The following AGBL1 variants were observed in gnomAD, a reference collection of about 807,000 sequenced individuals.
AGBL1 encodes cytosolic carboxypeptidase 4.
A neutral mutation model predicts 118.9 loss-of-function variants in AGBL1; 130 were observed. That is an observed-to-expected ratio of 1.09 (90% CI 0.95 to 1.26). The LOEUF is 1.26. Among genes scored for constraint, AGBL1 ranks in the 50% most tolerant of loss-of-function variants. The pLI is 0.00. For missense variants in AGBL1, 1,584 were observed against 1,298.1 expected (o/e 1.22, Z -3.38); for synonymous variants, 555 against 478.9 (o/e 1.16, Z -2.08).
At chr15:86,609,948 G>A (rs56081518) in intron 21 of AGBL1, among the ~76,000 whole-genome samples, 60 of 152,220 alleles carry the variant, frequency 3.9e-4, no homozygotes, top group Non-Finnish European at 7.5e-4. Context: ...TTTTATGGAT[G>A]AGGCCATGCT....
chr15:86,681,874 T>C (rs2085964354), intron 22 of AGBL1, among the ~76,000 whole-genome samples: 1 of 152,186 alleles, frequency 6.6e-6, no homozygotes, highest in African/African-American at 2.4e-5. Context: ...AGATGGAAAG[T>C]GCCCTACTAA....
intron 9 of AGBL1, among the ~76,000 whole-genome samples, chr15:86,260,902 A>G (rs2078971445): frequency 6.6e-6 from 1 of 152,230 alleles, no homozygotes; most frequent in Non-Finnish European, 1.5e-5. Flanking sequence ...AATAAATGCC[A>G]TTTATAAGAA....
chr15:86,554,277 T>C, intron 20 of AGBL1, 84 bp from the exon 21 acceptor site: 1 of 1,202,912 alleles, frequency 8.3e-7, no homozygotes, highest in Non-Finnish European at 1.2e-6. Context: ...TATAGATGCT[T>C]AACAATGTTG....
At chr15:86,719,022 C>T (rs372304549) in intron 22 of AGBL1, among the ~76,000 whole-genome samples, 2 of 152,118 alleles carry the variant, frequency 1.3e-5, no homozygotes, top group Non-Finnish European at 2.9e-5. Flanking sequence ...CCTTTCCCCC[C>T]ATTCAGTAGT....
At chr15:86,151,284 A>G (rs2077106106) in intron 3 of AGBL1, among the ~76,000 whole-genome samples, 1 of 147,940 alleles carries the variant, frequency 6.8e-6, no homozygotes, top group East Asian at 2.1e-4. Context: ...CAAGTACCCT[A>G]AAACTTAAAG....
At chr15:86,870,788 T>C (rs2141503513) in intron 22 of AGBL1, among the ~76,000 whole-genome samples, 1 of 152,308 alleles carries the variant, frequency 6.6e-6, no homozygotes, top group African/African-American at 2.4e-5. Context: ...CTGTCTATAC[T>C]ATAGGGGATA....
At chr15:86,286,735 G>GTGTGTGTATATATATATATATATATA in intron 16 of AGBL1, among the ~76,000 whole-genome samples, 3 of 106,250 alleles carry the variant, frequency 2.8e-5, no homozygotes, top group South Asian at 2.7e-4. Flanking sequence ...GTTTGTGTGT[G>GTGTGTGTATATATATATATATATATA]TATATATATA....
intron 18 of AGBL1, among the ~76,000 whole-genome samples, chr15:86,521,115 G>T (rs2083184277): frequency 6.6e-6 from 1 of 152,198 alleles, no homozygotes; most frequent in South Asian, 2.1e-4. Context: ...CAGGATAAGT[G>T]ATTAATCTGA....
At chr15:86,253,219 A>G (rs1567157273) in intron 7 of AGBL1, among the ~76,000 whole-genome samples, 1 of 152,094 alleles carries the variant, frequency 6.6e-6, no homozygotes, top group African/African-American at 2.4e-5. Flanking sequence ...GAACTATGAT[A>G]GGGACTTTGA....
chr15:86,783,320 A>G (rs12901694), intron 22 of AGBL1, among the ~76,000 whole-genome samples: 65,474 of 152,022 alleles, frequency 0.43, 16,449 homozygotes, highest in Non-Finnish European at 0.6. Context: ...CTGTTCTGTA[A>G]TTAATGTTAT....
chr15:86,825,339 T>A (rs1221659897), intron 22 of AGBL1, among the ~76,000 whole-genome samples: 1 of 129,182 alleles, frequency 7.7e-6, no homozygotes, highest in Non-Finnish European at 1.6e-5. Context: ...AACACTTTCT[T>A]TTTTGTAAAA....
intron 21 of AGBL1, among the ~76,000 whole-genome samples, chr15:86,609,083 C>T (rs960701258): frequency 1.3e-5 from 2 of 152,162 alleles, no homozygotes; most frequent in Non-Finnish European, 2.9e-5. Context: ...CGGGTTGGCT[C>T]TTGTGAATGC....
chr15:87,022,189 C>T (rs1472156686), intron 24 of AGBL1, among the ~76,000 whole-genome samples: 3 of 151,994 alleles, frequency 2.0e-5, no homozygotes, highest in Admixed American at 2.0e-4. Context: ...TACACCTTCC[C>T]TCTGACAGAG....
At chr15:86,400,980 A>T (rs1424996160) in intron 18 of AGBL1, among the ~76,000 whole-genome samples, 1 of 152,082 alleles carries the variant, frequency 6.6e-6, no homozygotes, top group Non-Finnish European at 1.5e-5. Context: ...GATCCCCAGT[A>T]GTGGGATTAC....
chr15:86,446,134 A>G (rs963537677), intron 18 of AGBL1, among the ~76,000 whole-genome samples: 2 of 152,212 alleles, frequency 1.3e-5, no homozygotes, highest in African/African-American at 4.8e-5. Flanking sequence ...GAGAGCCGAC[A>G]TGATTCAAGA....
intron 22 of AGBL1, among the ~76,000 whole-genome samples, chr15:86,814,098 G>A (rs2078827679): frequency 6.6e-6 from 1 of 152,122 alleles, no homozygotes; most frequent in South Asian, 2.1e-4. Flanking sequence ...TCTGGTCCAT[G>A]GCCTATTAGG....
At chr15:86,953,634 A>G (rs1327483627) in intron 23 of AGBL1, among the ~76,000 whole-genome samples, 1 of 151,542 alleles carries the variant, frequency 6.6e-6, no homozygotes, top group Non-Finnish European at 1.5e-5. Flanking sequence ...CAAGCAATCC[A>G]CCCACCTCGG....
chr15:86,676,436 A>C (rs947048941), intron 22 of AGBL1, among the ~76,000 whole-genome samples: 1 of 152,216 alleles, frequency 6.6e-6, no homozygotes, highest in African/African-American at 2.4e-5. Flanking sequence ...ATGGTCACAA[A>C]AAGATGACAG....
intron 18 of AGBL1, among the ~76,000 whole-genome samples, chr15:86,448,085 C>T (rs1343759697): frequency 6.6e-6 from 1 of 152,108 alleles, no homozygotes; most frequent in African/African-American, 2.4e-5. Flanking sequence ...GCAGAGGTTG[C>T]GGTGAGCTGA....
Sources: gnomAD v4.1 joint callset for allele counts (sites outside exome capture counted in the v4.1 genomes callset) on GRCh38, gnomAD v4.1.1 for gene constraint, MANE v1.5 for transcripts, NCBI Gene and HGNC (gene_info 2026-07-23, HGNC 2026-07-21) for gene names.